Variants in KTN1 observed in about 807,000 individuals in gnomAD.
KTN1 encodes the protein kinectin.
Under a neutral mutation model 222.5 loss-of-function variants are expected in KTN1, and 130 were observed. That is an observed-to-expected ratio of 0.58 (90% CI 0.51 to 0.68). The LOEUF (loss-of-function observed/expected upper bound fraction) is 0.68. Ranked by LOEUF, KTN1 falls within the 30% of genes least tolerant of loss-of-function variation. The probability of loss-of-function intolerance (pLI) is 0.00; values close to 1 mark genes in which losing one functional copy is unlikely to be tolerated. For missense variants in KTN1, 1,508 were observed against 1,500.4 expected, an observed-to-expected ratio of 1.01 and a Z score of -0.08; for synonymous variants, 512 against 496.3, an observed-to-expected ratio of 1.03 and a Z score of -0.42.
chr14:55,631,350 A>G (rs1245489581), intron 7 of KTN1, among the ~76,000 whole-genome samples: 1 of 141,032 alleles, frequency 7.1e-6, no homozygotes, highest in Non-Finnish European at 1.5e-5. Context: ...TGATATATAT[A>G]TATATATATA....
At chr14:55,664,171 C>G (rs2141250180) in intron 33 of KTN1, 130 bp downstream of exon 33, 2 of 612,596 alleles carry the variant, frequency 3.3e-6, no homozygotes, top group South Asian at 4.8e-5. Context: ...TTTATCATCT[C>G]TATCATCTCT....
intron 21 of KTN1, among the ~76,000 whole-genome samples, chr14:55,649,306 A>G (rs2042701304): frequency 6.6e-6 from 1 of 152,146 alleles, no homozygotes; most frequent in Non-Finnish European, 1.5e-5. Context: ...GAATATGTCA[A>G]TTATAGTTTT....
At chr14:55,602,368 CAA>C (rs2036101513) in intron 1 of KTN1, among the ~76,000 whole-genome samples, 1 of 152,130 alleles carries the variant, frequency 6.6e-6, no homozygotes, top group African/African-American at 2.4e-5. Context: ...TATGGAGGCT[CAA>C]GTTAGGATTT....
intron 1 of KTN1, among the ~76,000 whole-genome samples, chr14:55,583,376 G>A (rs1450939231): frequency 6.6e-6 from 1 of 152,148 alleles, no homozygotes; most frequent in African/African-American, 2.4e-5. Flanking sequence ...TAGATACTCT[G>A]ATAGGAAATA....
chr14:55,679,756 A>G, intron 43 of KTN1, 71 bp downstream of exon 43: 1 of 1,442,396 alleles, frequency 6.9e-7, no homozygotes, highest in Non-Finnish European at 9.6e-7. Context: ...GTATTTACAT[A>G]AATAAACTCA....
intron 3 of KTN1, among the ~76,000 whole-genome samples, 168 bp downstream of exon 3, chr14:55,616,822 G>A (rs570768271): frequency 1.3e-5 from 2 of 152,232 alleles, no homozygotes; most frequent in South Asian, 2.1e-4. Context: ...ACTTTATAGC[G>A]CTTTGACAGA....
At chr14:55,648,160 C>A in intron 20 of KTN1, 45 bp downstream of exon 20, 2 of 947,064 alleles carry the variant, frequency 2.1e-6, no homozygotes, top group African/African-American at 1.7e-5. Context: ...TATTCAGTGA[C>A]ATAAAAGGAT....
At chr14:55,674,746 T>G (rs960505909) in intron 40 of KTN1, 18 of 152,192 alleles carry the variant, frequency 1.2e-4, no homozygotes, top group African/African-American at 3.9e-4. Flanking sequence ...CCTCTACTTC[T>G]GTCAGGAGAT....
Position 55,639,223 on chromosome 14 carries a change from G to A in KTN1, c.1823+1G>A. On this transcript the variant is annotated splice_donor_variant, in intron 13 of 43. Coordinates refer to ENST00000395314, the MANE Select transcript of KTN1 (RefSeq NM_001079521.2). LOFTEE classifies it high-confidence loss of function. ...TTCTAGCAGAAGAATTACATAAAGT[G>A]TAAGCCTACCTTTTCACACTCTTAT... 6.3e-7 allele frequency: 1 copy of A among 1,599,972 alleles called. No homozygotes were observed. Among genetic ancestry groups the A allele is most frequent in the Non-Finnish European group, 8.6e-7 (1 of 1,167,966 alleles).
intron 8 of KTN1, among the ~76,000 whole-genome samples, chr14:55,634,115 CAG>C (rs991633278): frequency 6.6e-6 from 1 of 151,876 alleles, no homozygotes; most frequent in Admixed American, 6.6e-5. Flanking sequence ...GCCTGGGTGA[CAG>C]AGTCACACTC....
At chr14:55,653,661 T>A in intron 28 of KTN1, 65 bp downstream of exon 28, 1 of 1,215,818 alleles carries the variant, frequency 8.2e-7, no homozygotes, top group Non-Finnish European at 1.2e-6. Context: ...CAGGGTGTGC[T>A]TGAATATAAT....
rs770471415 is a variant in KTN1, at chr14:55,648,018, A to AT, written c.2208-4dup. ...TTAATACATGTGTTACAAATTTATA[A>AT]TTTCAGCATTCAAGAAAAAGATGAG... On this transcript the variant is annotated splice_region_variant and splice_polypyrimidine_tract_variant and intron_variant, in intron 19 of 43. Transcript: ENST00000395314. 7.6e-7 allele frequency: 1 copy of AT among 1,321,758 alleles called. No homozygotes were observed. The highest frequency in any genetic ancestry group is 1.0e-6 in the Non-Finnish European group (1 of 967,896). The allele number at this position is 1,321,758 out of a possible 1,614,324, so 81.9% of individuals were successfully genotyped here.
intron 34 of KTN1, 68 bp from the exon 35 acceptor site, chr14:55,670,660 GT>G (rs2045358623): frequency 9.6e-7 from 1 of 1,037,872 alleles, no homozygotes; most frequent in Non-Finnish European, 1.4e-6. Context: ...TATTTTAAAT[GT>G]TTCACCTGTT....
intron 1 of KTN1, among the ~76,000 whole-genome samples, chr14:55,591,003 G>A (rs552018041): frequency 1.3e-5 from 2 of 152,096 alleles, no homozygotes; most frequent in Non-Finnish European, 2.9e-5. Flanking sequence ...GTTGTATGTA[G>A]CTCTAACTCA....
At chr14:55,610,852 A>ATTC (rs2037444372) in intron 1 of KTN1, among the ~76,000 whole-genome samples, 1 of 152,244 alleles carries the variant, frequency 6.6e-6, no homozygotes, top group Admixed American at 6.5e-5. Flanking sequence ...TGATATGTAT[A>ATTC]TTCAAGGCAG....
chr14:55,678,290 T>C, intron 41 of KTN1, 62 bp from the exon 42 acceptor site: 3 of 962,572 alleles, frequency 3.1e-6, no homozygotes. Flanking sequence ...AATAAAATTA[T>C]TCATTTTTTA....
chr14:55,596,335 CT>C (rs1440380597), intron 1 of KTN1, among the ~76,000 whole-genome samples: 3 of 151,886 alleles, frequency 2.0e-5, no homozygotes, highest in Non-Finnish European at 4.4e-5. Flanking sequence ...TTTTTTCCCC[CT>C]AACTCTTAGG....
chr14:55,621,507 G>C (rs1226585732), intron 5 of KTN1, among the ~76,000 whole-genome samples: 1 of 152,148 alleles, frequency 6.6e-6, no homozygotes, highest in Non-Finnish European at 1.5e-5. Flanking sequence ...CATGGTAGAA[G>C]GTGAAAGGCA....
intron 15 of KTN1, 117 bp from the exon 16 acceptor site, chr14:55,640,816 T>C (rs1359379233): frequency 1.3e-6 from 1 of 791,626 alleles, no homozygotes; most frequent in African/African-American, 1.7e-5. Context: ...ATATACAGTA[T>C]TGCTGTAACT....
Sources: allele counts gnomAD v4.1 joint callset (sites outside exome capture counted in the v4.1 genomes callset), GRCh38; gene constraint gnomAD v4.1.1; transcripts MANE v1.5; gene names NCBI Gene and HGNC (gene_info 2026-07-23, HGNC 2026-07-21).